HELQ: variants seen among roughly 807,000 people sequenced by gnomAD.
HELQ encodes the protein helicase POLQ-like.
In HELQ, 77 loss-of-function variants were observed where a neutral mutation model predicts 111.6. The observed-to-expected ratio is 0.69, with a 90% CI of 0.57 to 0.83. The LOEUF (loss-of-function observed/expected upper bound fraction) is 0.83, where lower values mean the gene tolerates loss of function less well. HELQ is among the 40% of genes least tolerant of loss of function. The pLI is 0.00. For missense variants in HELQ, 1,200 were observed against 1,288.5 expected, an observed-to-expected ratio of 0.93 and a Z score of 1.05; for synonymous variants, 438 against 454.7, an observed-to-expected ratio of 0.96 and a Z score of 0.47.
intron 9 of HELQ, among the ~76,000 whole-genome samples, chr4:83,433,737 A>C (rs1425276562): frequency 2.0e-5 from 3 of 151,486 alleles, no homozygotes; most frequent in Admixed American, 1.3e-4. Context: ...AAATCCCAGC[A>C]CTTTGGAAGG....
intron 17 of HELQ, 85 bp downstream of exon 17, chr4:83,416,646 G>A: frequency 7.7e-7 from 1 of 1,302,684 alleles, no homozygotes; most frequent in Non-Finnish European, 1.1e-6. Context: ...TATGCAATGT[G>A]AAATGTTTTT....
intron 3 of HELQ, 38 bp downstream of exon 3, chr4:83,448,745 C>A: frequency 6.6e-7 from 1 of 1,525,532 alleles, no homozygotes; most frequent in Non-Finnish European, 9.0e-7. Context: ...AAAGTACTAG[C>A]AAATAACATT....
At chr4:83,429,018 A>C (rs1265637294) in intron 12 of HELQ, among the ~76,000 whole-genome samples, 1 of 152,002 alleles carries the variant, frequency 6.6e-6, no homozygotes, top group Non-Finnish European at 1.5e-5. Context: ...TATTCTCTAT[A>C]TACTTCTGCA....
intron 12 of HELQ, 67 bp downstream of exon 12, chr4:83,429,457 G>A: frequency 1.7e-6 from 2 of 1,201,250 alleles, no homozygotes; most frequent in Non-Finnish European, 1.2e-6. Context: ...CTTAAAGAAA[G>A]TATAATTTAA....
At chr4:83,444,403 CAG>C (rs1167242573) in intron 5 of HELQ, among the ~76,000 whole-genome samples, 1 of 152,046 alleles carries the variant, frequency 6.6e-6, no homozygotes, top group Non-Finnish European at 1.5e-5. Flanking sequence ...TTTTTTGAGA[CAG>C]AGTCTTGCTC....
intron 5 of HELQ, among the ~76,000 whole-genome samples, chr4:83,445,602 A>G (rs77831486): frequency 0.031 from 4,679 of 152,210 alleles, 239 homozygotes; most frequent in African/African-American, 0.11. Flanking sequence ...TTTATGTTAT[A>G]TGTATTATTA....
chr4:83,443,693 C>T, intron 5 of HELQ, 79 bp from the exon 6 acceptor site: 1 of 559,042 alleles, frequency 1.8e-6, no homozygotes, highest in East Asian at 3.1e-5. Context: ...TTTAGCAAGT[C>T]TTTTGTGCTC....
chr4:83,421,552 A>G lies in HELQ; in HGVS notation c.2949+11T>C, dbSNP rs1435541013. 1 of 1,604,422 alleles carries G rather than the reference A, an allele frequency of 6.2e-7. No homozygotes were observed. Among genetic ancestry groups the G allele is most frequent in the Admixed American group, 1.7e-5 (1 of 58,998 alleles). ...TGCACAAAGTACATATCATATATTC[A>G]ATGAAATTACCTCACAGAAATGTAA... On this transcript the variant is annotated intron_variant, in intron 15 of 17. Transcript: ENST00000295488.
chr4:83,449,140 G>C (rs762294085), intron 2 of HELQ, among the ~76,000 whole-genome samples, 179 bp from the exon 3 acceptor site: 11 of 152,178 alleles, frequency 7.2e-5, no homozygotes, highest in African/African-American at 2.4e-4. Flanking sequence ...CAGCCAGTGA[G>C]AGCCTAGTTC....
intron 17 of HELQ, among the ~76,000 whole-genome samples, chr4:83,413,648 T>C (rs1739217784): frequency 3.3e-5 from 5 of 152,212 alleles, no homozygotes; most frequent in Non-Finnish European, 7.4e-5. Context: ...ACCAACAGTA[T>C]GCAGCGGAAA....
At position 83,453,493 on chromosome 4, in the gene HELQ, A is replaced by G. The variant is rs768056727; in HGVS notation, c.750T>C (p.Ser250=). The G allele has an allele frequency of 1.1e-5, 18 of 1,613,492 alleles. No individual in the cohort carries two copies. The Middle Eastern group carries it at 5.0e-4, about 44-fold the overall frequency. ...IEQPQQNDES[S]SKVRTSSDMN... ...TATCTGAACTAGTTCTGACTTTGGA[A>G]GAGGACTCATCATTTTGCTGGGGTT... The change falls in exon 2 of 18, where the codon TCT becomes TCC. Residue 250 remains serine (S), a synonymous_variant. Coordinates refer to ENST00000295488, the MANE Select transcript of HELQ (RefSeq NM_133636.5).
chr4:83,419,717 A>G (rs796639774), intron 15 of HELQ, among the ~76,000 whole-genome samples: 35 of 152,152 alleles, frequency 2.3e-4, no homozygotes, highest in African/African-American at 7.9e-4. Context: ...TAGAAGACTT[A>G]AGAAAATACA....
chr4:83,432,156 G>A lies in HELQ; in HGVS notation c.2160C>T (p.Ile720=). The part of the protein sequence containing the change: ...RAGIDTIGES[I]LILQEKDKQQ... ...GTTTGTCTTTTTCTTGCAATATGAG[G>A]ATACTCTCCCCAATAGTATCTATTC... Residue 720 remains isoleucine (I), a synonymous_variant, in exon 10 of 18, where the codon ATC becomes ATT. Coordinates refer to ENST00000295488, the MANE Select transcript of HELQ (RefSeq NM_133636.5). 6.3e-7 allele frequency: 1 copy of A among 1,583,108 alleles called. No individual in the cohort carries two copies. The highest frequency in any genetic ancestry group is 8.6e-7 in the Non-Finnish European group (1 of 1,166,504).
At chr4:83,445,102 A>C (rs1720983291) in intron 5 of HELQ, among the ~76,000 whole-genome samples, 1 of 152,222 alleles carries the variant, frequency 6.6e-6, no homozygotes. Context: ...TAGAATATGT[A>C]GGACCCTGGC....
At chr4:83,430,392 C>A (rs1355664606) in intron 11 of HELQ, among the ~76,000 whole-genome samples, 1 of 152,100 alleles carries the variant, frequency 6.6e-6, no homozygotes. Flanking sequence ...AATAGTTGAT[C>A]TCTACCTATT....
intron 12 of HELQ, among the ~76,000 whole-genome samples, chr4:83,429,278 C>G (rs759897275): frequency 6.6e-6 from 1 of 152,074 alleles, no homozygotes; most frequent in African/African-American, 2.4e-5. Context: ...TCCCGAGTAG[C>G]TGGGACTACA....
At chr4:83,451,296 T>C (rs75118755) in intron 2 of HELQ, among the ~76,000 whole-genome samples, 3,002 of 152,066 alleles carry the variant, frequency 0.02, 47 homozygotes, top group Non-Finnish European at 0.031. Context: ...AGTGCTAAGG[T>C]TGCATTTTTA....
chr4:83,428,275 A>G (rs1413762587), intron 12 of HELQ, among the ~76,000 whole-genome samples: 4 of 152,162 alleles, frequency 2.6e-5, no homozygotes, highest in African/African-American at 9.7e-5. Flanking sequence ...TGGGACAGGA[A>G]TATGGCACTT....
At chr4:83,433,441 G>A (rs7654821) in intron 9 of HELQ, among the ~76,000 whole-genome samples, 10,895 of 152,162 alleles carry the variant, frequency 0.072, 501 homozygotes, top group South Asian at 0.13. Context: ...GCTGAGGGGG[G>A]CGGATCACGA....
Sources: gnomAD v4.1 joint callset for allele counts (sites outside exome capture counted in the v4.1 genomes callset) on GRCh38, gnomAD v4.1.1 for gene constraint, MANE v1.5 for transcripts, NCBI Gene and HGNC (gene_info 2026-07-23, HGNC 2026-07-21) for gene names.